The following ITGBL1 variants were observed in gnomAD, a reference collection of about 807,000 sequenced individuals.
ITGBL1 encodes the protein integrin subunit beta like 1, also known as integrin beta-like protein 1.
A neutral mutation model predicts 68.5 loss-of-function variants in ITGBL1; 51 were observed. That is an observed-to-expected ratio of 0.74 (90% CI 0.59 to 0.94). ITGBL1 has a LOEUF of 0.94. ITGBL1 is among the 40% of genes least tolerant of loss of function. The pLI is 0.00. For synonymous variants in ITGBL1, 209 were observed against 227.3 expected (o/e 0.92, Z 0.72); for missense variants, 649 against 647.4 (o/e 1.00, Z -0.03).
At chr13:101,539,459 C>T (rs188452643) in intron 2 of ITGBL1, among the ~76,000 whole-genome samples, 5 of 152,004 alleles carry the variant, frequency 3.3e-5, no homozygotes, top group African/African-American at 7.2e-5. Flanking sequence ...AATTGTTGGA[C>T]ATTTGGGTTG....
chr13:101,482,924 G>A (rs2048647215), intron 2 of ITGBL1, among the ~76,000 whole-genome samples: 1 of 152,186 alleles, frequency 6.6e-6, no homozygotes, highest in African/African-American at 2.4e-5. Context: ...CATACTCACG[G>A]CATCAGAGAC....
At chr13:101,474,089 A>C (rs2048501148) in intron 2 of ITGBL1, among the ~76,000 whole-genome samples, 2 of 152,204 alleles carry the variant, frequency 1.3e-5, no homozygotes, top group Non-Finnish European at 2.9e-5. Flanking sequence ...ACTTTGTCTT[A>C]CAGCTTGGGC....
chr13:101,542,107 G>C (rs771898684), intron 2 of ITGBL1, among the ~76,000 whole-genome samples: 1 of 152,106 alleles, frequency 6.6e-6, no homozygotes, highest in Non-Finnish European at 1.5e-5. Context: ...GCTTTTGAAT[G>C]TGTTTGCTCT....
rs150616340 is a variant in ITGBL1, at chr13:101,697,415, A to G, written c.1132+4714A>G. Among the ~76,000 whole-genome samples the G allele has an allele frequency of 3.4e-4, 52 of 152,314 alleles. 1 individual carries two copies. In the East Asian group the frequency reaches 9.8e-3, roughly 29 times the overall value. On this transcript the variant is annotated intron_variant, in intron 8 of 10. Coordinates refer to ENST00000376180, the MANE Select transcript of ITGBL1 (RefSeq NM_004791.3). ...CTTTGGGTATTTTGATATTTTGTCTAGAGAAAGTCCACATTGTATGGTATC... is the reference window on the plus strand; with the variant it reads ...CTTTGGGTATTTTGATATTTTGTCTGGAGAAAGTCCACATTGTATGGTATC...
Position 101,627,270 on chromosome 13 carries a change from T to A in ITGBL1, c.1015+28971T>A, listed in dbSNP as rs187930326. On this transcript the variant is annotated intron_variant, in intron 7 of 10. Transcript: ENST00000376180. The stretch of plus-strand genomic sequence containing the variant: ...CATAGCTTGTAGAAAACATGTGATA[T>A]TTCAATGCTTTTTGTAATACACTTT... 1.2e-4 allele frequency among the ~76,000 whole-genome samples: 18 copies of A among 152,280 alleles called. No homozygotes were observed. The East Asian group carries it at 3.1e-3, about 26-fold the overall frequency.
chr13:101,621,057 C>T (rs2031560050), intron 7 of ITGBL1, among the ~76,000 whole-genome samples: 1 of 152,090 alleles, frequency 6.6e-6, no homozygotes, highest in African/African-American at 2.4e-5. Flanking sequence ...TTTATATCAC[C>T]AGACAAGGTG....
chr13:101,559,413 C>T (rs1188977641), intron 2 of ITGBL1, among the ~76,000 whole-genome samples: 4 of 152,128 alleles, frequency 2.6e-5, no homozygotes, highest in African/African-American at 9.7e-5. Flanking sequence ...GACTAGATTT[C>T]TGAATTATTT....
At chr13:101,693,289 T>C (rs1397363854) in intron 8 of ITGBL1, among the ~76,000 whole-genome samples, 1 of 152,200 alleles carries the variant, frequency 6.6e-6, no homozygotes, top group African/African-American at 2.4e-5. Context: ...AACATTATTC[T>C]TGCATTGCAT....
intron 7 of ITGBL1, among the ~76,000 whole-genome samples, chr13:101,670,994 A>G (rs1403192112): frequency 6.6e-6 from 1 of 152,044 alleles, no homozygotes; most frequent in Non-Finnish European, 1.5e-5. Context: ...TTCTTCATCA[A>G]TTTTGTCATT....
chr13:101,679,313 A>G (rs1419446229), intron 7 of ITGBL1, among the ~76,000 whole-genome samples: 1 of 152,210 alleles, frequency 6.6e-6, no homozygotes, highest in Non-Finnish European at 1.5e-5. Context: ...CATTTATCTC[A>G]TAAAGTAATT....
Position 101,513,886 on chromosome 13 carries a change from C to T in ITGBL1, c.317-53813C>T, listed in dbSNP as rs573183569. ...TGATACTCCTGATCTCAAAGAACAA[C>T]TTAGTAATGTATAATTATTTTTATT... On this transcript the variant is annotated intron_variant, in intron 2 of 10. Transcript: ENST00000376180. Among the ~76,000 whole-genome samples the T allele has an allele frequency of 3.9e-5, 6 of 152,108 alleles. No homozygotes were observed. In the South Asian group the frequency reaches 1.2e-3, roughly 31 times the overall value.
At chr13:101,488,403 C>T (rs1359444746) in intron 2 of ITGBL1, among the ~76,000 whole-genome samples, 3 of 152,158 alleles carry the variant, frequency 2.0e-5, no homozygotes, top group African/African-American at 7.2e-5. Flanking sequence ...TGGATTAAGG[C>T]ATATGCCTGC....
chr13:101,715,345 G>A (rs968821545), intron 10 of ITGBL1: 14 of 516,406 alleles, frequency 2.7e-5, no homozygotes, highest in African/African-American at 9.7e-5. Context: ...CTATCTGATC[G>A]GTAAAGGGTG....
chr13:101,479,046 T>A (rs1289177689), intron 2 of ITGBL1, among the ~76,000 whole-genome samples: 2 of 152,078 alleles, frequency 1.3e-5, no homozygotes, highest in Non-Finnish European at 2.9e-5. Flanking sequence ...TCATATTACC[T>A]GACTTCAAAT....
At chr13:101,535,373 G>C (rs2049555607) in intron 2 of ITGBL1, among the ~76,000 whole-genome samples, 1 of 152,076 alleles carries the variant, frequency 6.6e-6, no homozygotes, top group Non-Finnish European at 1.5e-5. Flanking sequence ...GTGTTCTTCT[G>C]GGAGTGCTTG....
intron 9 of ITGBL1, chr13:101,713,725 A>G (rs2034586173): frequency 6.6e-6 from 1 of 152,160 alleles, no homozygotes; most frequent in Non-Finnish European, 1.5e-5. Flanking sequence ...GTAAGTAAAG[A>G]TATTTTAAAT....
At chr13:101,634,725 A>G (rs920458412) in intron 7 of ITGBL1, among the ~76,000 whole-genome samples, 4 of 152,144 alleles carry the variant, frequency 2.6e-5, no homozygotes, top group African/African-American at 9.6e-5. Context: ...CTTACATTTC[A>G]GTGGGGGATA....
chr13:101,637,475 C>G (rs1290469693), intron 7 of ITGBL1, among the ~76,000 whole-genome samples: 2 of 151,574 alleles, frequency 1.3e-5, no homozygotes, highest in East Asian at 3.9e-4. Flanking sequence ...TCCCGAGTAG[C>G]TGGGACTACA....
chr13:101,546,981 A>T (rs2049836381), intron 2 of ITGBL1, among the ~76,000 whole-genome samples: 1 of 152,024 alleles, frequency 6.6e-6, no homozygotes, highest in African/African-American at 2.4e-5. Flanking sequence ...GAAAAGAATA[A>T]TAAAACCAGA....
Sources: allele counts gnomAD v4.1 joint callset (sites outside exome capture counted in the v4.1 genomes callset), GRCh38; gene constraint gnomAD v4.1.1; transcripts MANE v1.5; gene names NCBI Gene and HGNC (gene_info 2026-07-23, HGNC 2026-07-21).